The following LRRC28 variants were observed in gnomAD, a reference collection of about 807,000 sequenced individuals.
LRRC28 encodes leucine rich repeat containing 28.
In LRRC28, 39 loss-of-function variants were observed where a neutral mutation model predicts 45.7. That is an observed-to-expected ratio of 0.85 (90% CI 0.66 to 1.12). The LOEUF (loss-of-function observed/expected upper bound fraction) is 1.12. Among genes scored for constraint, LRRC28 ranks in the 50% most tolerant of loss-of-function variants. The probability of loss-of-function intolerance (pLI) is 0.00; values close to 1 mark genes in which losing one functional copy is unlikely to be tolerated. For synonymous variants in LRRC28, 206 were observed against 178.8 expected (o/e 1.15, Z -1.22); for missense variants, 435 against 438.5 (o/e 0.99, Z 0.07).
At chr15:99,287,137 AG>A in intron 3 of LRRC28, 119 bp from the exon 4 acceptor site, 1 of 700,130 alleles carries the variant, frequency 1.4e-6, no homozygotes, top group Non-Finnish European at 2.4e-6. Flanking sequence ...GCATTAGAGT[AG>A]GGTGCAAAAG....
chr15:99,344,006 G>T (rs1305386922), intron 6 of LRRC28, among the ~76,000 whole-genome samples: 4 of 152,120 alleles, frequency 2.6e-5, no homozygotes, highest in African/African-American at 9.7e-5. Flanking sequence ...GCGCTGCGGT[G>T]TCCTGGCCTC....
intron 5 of LRRC28, among the ~76,000 whole-genome samples, chr15:99,330,877 TATATA>T (rs1369548732): frequency 2.0e-5 from 3 of 152,166 alleles, no homozygotes; most frequent in African/African-American, 7.2e-5. Flanking sequence ...TTTTTTTAAC[TATATA>T]TTTTTAGTTA....
At chr15:99,361,972 G>A (rs1025864248) in intron 8 of LRRC28, among the ~76,000 whole-genome samples, 5 of 152,074 alleles carry the variant, frequency 3.3e-5, no homozygotes, top group African/African-American at 4.8e-5. Flanking sequence ...CCGCCTCCTC[G>A]CATCTCAGCA....
chr15:99,258,189 A>T (rs142017335), intron 2 of LRRC28: 27 of 1,612,364 alleles, frequency 1.7e-5, no homozygotes, highest in Non-Finnish European at 2.3e-5. Flanking sequence ...TCAACTTCTG[A>T]ATTGATTGGC....
chr15:99,281,245 C>T (rs978901862), intron 3 of LRRC28, among the ~76,000 whole-genome samples: 1 of 151,714 alleles, frequency 6.6e-6, no homozygotes, highest in African/African-American at 2.4e-5. Flanking sequence ...CCCAGGCTGG[C>T]TTTCTGTGTG....
chr15:99,372,163 G>A lies in LRRC28; in HGVS notation c.1031+8898G>A, dbSNP rs183081649. Reference sequence around the variant, plus strand: ...AATATATGCTTTGTGTTTTTAATCAGGAAACATATTTGCAGAAAAAATCGC... The same window carrying A: ...AATATATGCTTTGTGTTTTTAATCAAGAAACATATTTGCAGAAAAAATCGC... On this transcript the variant is annotated intron_variant, in intron 9 of 9. Transcript: ENST00000301981. Among the ~76,000 whole-genome samples the A allele has an allele frequency of 2.0e-5, 3 of 152,182 alleles. No homozygotes were observed. In the East Asian group the frequency reaches 5.8e-4, roughly 29 times the overall value.
chr15:99,363,396 C>G, intron 9 of LRRC28, 131 bp downstream of exon 9: 2 of 887,260 alleles, frequency 2.3e-6, no homozygotes, highest in Non-Finnish European at 3.3e-6. Context: ...TGAGAAACAG[C>G]TAAATGAAAC....
intron 1 of LRRC28, among the ~76,000 whole-genome samples, chr15:99,253,336 G>A (rs2080920677): frequency 6.6e-6 from 1 of 152,158 alleles, no homozygotes; most frequent in African/African-American, 2.4e-5. Context: ...GGCCAGGCTG[G>A]TCTCGAACTC....
intron 3 of LRRC28, chr15:99,285,791 A>G (rs2081942721): frequency 4.2e-6 from 2 of 471,632 alleles, no homozygotes; most frequent in Non-Finnish European, 8.0e-6. Flanking sequence ...TGAGGCAAGT[A>G]TTTTGTTGAA....
In LRRC28 at chr15:99,334,058, G is replaced by A. The variant is rs775213563; in HGVS notation, c.521G>A (p.Arg174His). 1.1e-5 allele frequency: 17 copies of A among 1,614,062 alleles called. No homozygotes were observed. The highest frequency in any genetic ancestry group is 1.7e-5 in the Admixed American group (1 of 60,002). ...VDRNRLWYVP[R>H]HLCQLPSLNE... ...CGAAATCGTCTATGGTATGTGCCGC[G>A]CCATCTCTGCCAGCTGCCCAGCCTC... is the stretch of plus-strand genomic sequence containing the variant. Residue 174 changes from arginine (R) to histidine (H), a missense_variant, in exon 6 of 10, where the codon CGC (arginine) becomes CAC (histidine). By Grantham distance (29) the Arg-to-His change is conservative. Transcript: ENST00000301981.
chr15:99,361,003 A>G (rs1328941613), intron 7 of LRRC28: 1 of 172,944 alleles, frequency 5.8e-6, no homozygotes, highest in Non-Finnish European at 1.2e-5. Flanking sequence ...TTTCAGAAAA[A>G]CACGTACTTG....
At chr15:99,267,265 G>A (rs551611664) in intron 2 of LRRC28, among the ~76,000 whole-genome samples, 2 of 152,222 alleles carry the variant, frequency 1.3e-5, no homozygotes, top group South Asian at 2.1e-4. Context: ...AACTATATCC[G>A]CCACCCCCTC....
chr15:99,379,526 C>G lies in LRRC28; in HGVS notation c.1032-6504C>G, dbSNP rs937068797. On this transcript the variant is annotated intron_variant, in intron 9 of 9. Coordinates refer to ENST00000301981, the MANE Select transcript of LRRC28 (RefSeq NM_144598.5). ...TGATTGATTTTTTGAAGGGTTTTTT[C>G]TGTCTCTATCTCCTTCAGTTCTGCT... is the stretch of plus-strand genomic sequence containing the variant. Among the ~76,000 whole-genome samples the G allele has an allele frequency of 1.1e-4, 16 of 151,796 alleles. 1 individual carries two copies. The highest frequency in any genetic ancestry group is 3.9e-4 in the East Asian group (2 of 5,166).
intron 3 of LRRC28, among the ~76,000 whole-genome samples, chr15:99,281,030 ATT>A (rs542340109): frequency 6.9e-5 from 10 of 144,268 alleles, no homozygotes; most frequent in South Asian, 2.2e-4. Context: ...TGGTTACTGT[ATT>A]TTTTTTTTTT....
intron 5 of LRRC28, among the ~76,000 whole-genome samples, chr15:99,294,663 G>T (rs1375817784): frequency 6.6e-6 from 1 of 152,132 alleles, no homozygotes; most frequent in Non-Finnish European, 1.5e-5. Context: ...GCTCTCTGAG[G>T]CATCTTTTGT....
At chr15:99,277,830 T>C (rs1261229475) in intron 3 of LRRC28, among the ~76,000 whole-genome samples, 5 of 152,184 alleles carry the variant, frequency 3.3e-5, no homozygotes, top group African/African-American at 7.2e-5. Flanking sequence ...TCTTTCCATC[T>C]TTTTAGTCTA....
chr15:99,297,969 CT>C (rs1201544879), intron 5 of LRRC28, among the ~76,000 whole-genome samples: 1 of 151,852 alleles, frequency 6.6e-6, no homozygotes, highest in East Asian at 1.9e-4. Context: ...AAAAATACTC[CT>C]TTTTAGGAAA....
At chr15:99,299,680 A>C (rs2082349109) in intron 5 of LRRC28, among the ~76,000 whole-genome samples, 1 of 152,230 alleles carries the variant, frequency 6.6e-6, no homozygotes, top group African/African-American at 2.4e-5. Flanking sequence ...CAATGTAATG[A>C]GAAGTAATTT....
chr15:99,384,139 C>A (rs1016176230), intron 9 of LRRC28, among the ~76,000 whole-genome samples: 1 of 152,134 alleles, frequency 6.6e-6, no homozygotes, highest in African/African-American at 2.4e-5. Context: ...AGGATTTTAC[C>A]CTTTTTGGCC....
Sources: allele counts gnomAD v4.1 joint callset (sites outside exome capture counted in the v4.1 genomes callset), GRCh38; gene constraint gnomAD v4.1.1; transcripts MANE v1.5; gene names NCBI Gene and HGNC (gene_info 2026-07-23, HGNC 2026-07-21).